The following SEMA6D variants were observed in gnomAD, a reference collection of about 807,000 sequenced individuals.
SEMA6D encodes semaphorin-6D.
In SEMA6D, 35 loss-of-function variants were observed where a neutral mutation model predicts 106.6. The ratio of observed to expected loss-of-function variants is 0.33; its 90% CI spans 0.25 to 0.44. The LOEUF (loss-of-function observed/expected upper bound fraction) is 0.44. Among genes scored for constraint, SEMA6D ranks in the 20% least tolerant of loss-of-function variants. The pLI, the probability that SEMA6D is intolerant of heterozygous loss-of-function variation, is 1.00. For missense variants in SEMA6D, 1,185 were observed against 1,345.9 expected (o/e 0.88, Z 1.87); for synonymous variants, 499 against 487.7 (o/e 1.02, Z -0.31).
At chr15:47,701,169 G>T (rs1411417650) in intron 4 of SEMA6D, among the ~76,000 whole-genome samples, 3 of 152,054 alleles carry the variant, frequency 2.0e-5, no homozygotes, top group Non-Finnish European at 4.4e-5. Flanking sequence ...ACCAAGGATT[G>T]GGAAAATATA....
At chr15:47,404,485 T>C (rs1306841770) in intron 1 of SEMA6D, among the ~76,000 whole-genome samples, 6 of 152,186 alleles carry the variant, frequency 3.9e-5, no homozygotes, top group Non-Finnish European at 7.3e-5. Context: ...GACCATCTGA[T>C]TGAAAAGCCT....
intron 4 of SEMA6D, among the ~76,000 whole-genome samples, chr15:47,702,261 T>C (rs2145926746): frequency 6.6e-6 from 1 of 152,106 alleles, no homozygotes; most frequent in South Asian, 2.1e-4. Flanking sequence ...CAAATAAACA[T>C]ATGAAAAGAT....
intron 1 of SEMA6D, among the ~76,000 whole-genome samples, chr15:47,345,920 A>G (rs1277843651): frequency 6.6e-6 from 1 of 152,184 alleles, no homozygotes; most frequent in African/African-American, 2.4e-5. Context: ...ATAGGTGTAT[A>G]CACATATGCC....
At chr15:47,749,330 C>G (rs755992953) in intron 1 of SEMA6D, among the ~76,000 whole-genome samples, 1 of 152,102 alleles carries the variant, frequency 6.6e-6, no homozygotes, top group Non-Finnish European at 1.5e-5. Flanking sequence ...ATCTGACCAC[C>G]TTGGCCTCCC....
At chr15:47,662,751 A>G (rs2077949530) in intron 4 of SEMA6D, among the ~76,000 whole-genome samples, 1 of 152,128 alleles carries the variant, frequency 6.6e-6, no homozygotes. Flanking sequence ...AGTAGAGCAC[A>G]AAAGACTGTT....
At chr15:47,336,782 T>C (rs776562862) in intron 1 of SEMA6D, among the ~76,000 whole-genome samples, 1 of 152,154 alleles carries the variant, frequency 6.6e-6, no homozygotes, top group Non-Finnish European at 1.5e-5. Flanking sequence ...TTGAATTCTA[T>C]AGACATTTGG....
chr15:47,678,185 T>C (rs1224866927), intron 4 of SEMA6D, among the ~76,000 whole-genome samples: 1 of 151,974 alleles, frequency 6.6e-6, no homozygotes, highest in Non-Finnish European at 1.5e-5. Flanking sequence ...TCTCATCCAA[T>C]GCAGTGACTC....
At chr15:47,451,422 C>G (rs1423200735) in intron 2 of SEMA6D, among the ~76,000 whole-genome samples, 2 of 151,940 alleles carry the variant, frequency 1.3e-5, no homozygotes, top group Non-Finnish European at 2.9e-5. Context: ...CAGTGTGATC[C>G]AGATCAATCA....
intron 4 of SEMA6D, among the ~76,000 whole-genome samples, chr15:47,700,705 G>A (rs540440022): frequency 2.6e-5 from 4 of 152,146 alleles, no homozygotes; most frequent in Non-Finnish European, 4.4e-5. Context: ...CAGGAGAATC[G>A]CTTGAGCCCA....
At chr15:47,709,202 G>A (rs893656216) in intron 4 of SEMA6D, among the ~76,000 whole-genome samples, 15 of 152,104 alleles carry the variant, frequency 9.9e-5, no homozygotes, top group African/African-American at 3.6e-4. Flanking sequence ...GAAGGACACA[G>A]CTGCTGCAAG....
At chr15:47,583,076 A>G (rs718113) in intron 3 of SEMA6D, among the ~76,000 whole-genome samples, 77,869 of 152,006 alleles carry the variant, frequency 0.51, 20,692 homozygotes, top group South Asian at 0.62. Flanking sequence ...ATCTATGAAT[A>G]AGAAAGACCC....
intron 1 of SEMA6D, among the ~76,000 whole-genome samples, chr15:47,385,302 C>G (rs1567042996): frequency 6.6e-6 from 1 of 152,044 alleles, no homozygotes; most frequent in Non-Finnish European, 1.5e-5. Context: ...AATACCTTGT[C>G]TCAAGACACA....
chr15:47,574,995 A>G (rs2076131908), intron 3 of SEMA6D, among the ~76,000 whole-genome samples: 1 of 152,208 alleles, frequency 6.6e-6, no homozygotes, highest in Non-Finnish European at 1.5e-5. Flanking sequence ...GCTTTTTGAC[A>G]CAAAAATGCA....
intron 1 of SEMA6D, among the ~76,000 whole-genome samples, chr15:47,191,363 G>T (rs1415323735): frequency 6.6e-6 from 1 of 152,034 alleles, no homozygotes; most frequent in African/African-American, 2.4e-5. Flanking sequence ...TTGGATACAA[G>T]CAACACATGG....
intron 3 of SEMA6D, among the ~76,000 whole-genome samples, chr15:47,597,770 G>C (rs1274964292): frequency 6.6e-6 from 1 of 151,340 alleles, no homozygotes; most frequent in Admixed American, 6.6e-5. Context: ...GTTGCAGTTA[G>C]ACAGCAGGAA....
chr15:47,641,889 C>G (rs2077495043), intron 4 of SEMA6D, among the ~76,000 whole-genome samples: 1 of 152,180 alleles, frequency 6.6e-6, no homozygotes, highest in South Asian at 2.1e-4. Flanking sequence ...GCATTGGGCA[C>G]TCCTATGTGG....
chr15:47,499,167 G>A (rs573290784), intron 3 of SEMA6D, among the ~76,000 whole-genome samples: 1 of 152,244 alleles, frequency 6.6e-6, no homozygotes, highest in African/African-American at 2.4e-5. Context: ...TGAATTCTAC[G>A]AAACTTGTTA....
At chr15:47,556,359 T>C (rs1306388475) in intron 3 of SEMA6D, among the ~76,000 whole-genome samples, 1 of 152,178 alleles carries the variant, frequency 6.6e-6, no homozygotes, top group Non-Finnish European at 1.5e-5. Flanking sequence ...CTCTGCTTTT[T>C]CCACTTAACA....
chr15:47,258,563 A>C (rs1035260578), intron 1 of SEMA6D, among the ~76,000 whole-genome samples: 1 of 152,148 alleles, frequency 6.6e-6, no homozygotes, highest in Non-Finnish European at 1.5e-5. Context: ...CTCAGTTATC[A>C]GATCTCCTGG....
Sources: allele counts gnomAD v4.1 joint callset (sites outside exome capture counted in the v4.1 genomes callset), GRCh38; gene constraint gnomAD v4.1.1; transcripts MANE v1.5; gene names NCBI Gene and HGNC (gene_info 2026-07-23, HGNC 2026-07-21).